Variants in MYO3A observed in about 807,000 individuals in gnomAD.
MYO3A encodes the protein myosin-IIIa.
A neutral mutation model predicts 192.7 loss-of-function variants in MYO3A; 180 were observed. That is an observed-to-expected ratio of 0.93 (90% CI 0.83 to 1.06). MYO3A has a LOEUF of 1.06. Ranked by LOEUF, MYO3A falls within the 50% of genes least tolerant of loss-of-function variation. MYO3A has a pLI of 0.00. For synonymous variants in MYO3A, 628 were observed against 645.3 expected (o/e 0.97, Z 0.41); for missense variants, 1,896 against 1,905.0 (o/e 1.00, Z 0.09).
intron 6 of MYO3A, among the ~76,000 whole-genome samples, chr10:26,001,995 T>G (rs1313096966): frequency 6.6e-6 from 1 of 152,124 alleles, no homozygotes; most frequent in East Asian, 1.9e-4. Context: ...TGAGGAGGGA[T>G]GCCATCTGAG....
chr10:26,206,963 T>C (rs772214646), intron 34 of MYO3A, among the ~76,000 whole-genome samples: 1 of 152,194 alleles, frequency 6.6e-6, no homozygotes, highest in Non-Finnish European at 1.5e-5. Context: ...ATTGAACATT[T>C]TTTCATATAC....
intron 10 of MYO3A, among the ~76,000 whole-genome samples, chr10:26,038,195 G>C (rs1843140946): frequency 6.8e-6 from 1 of 147,328 alleles, no homozygotes; most frequent in Non-Finnish European, 1.5e-5. Flanking sequence ...GGTCTTTTGT[G>C]GTTCCATATA....
At chr10:26,209,579 A>G (rs374944336) in intron 34 of MYO3A, among the ~76,000 whole-genome samples, 50 of 152,294 alleles carry the variant, frequency 3.3e-4, no homozygotes, top group African/African-American at 1.1e-3. Flanking sequence ...CCGTTTTGCC[A>G]TGCTCTGTGA....
chr10:26,170,253 A>G, intron 28 of MYO3A, among the ~76,000 whole-genome samples, 163 bp from the exon 29 acceptor site: 1 of 152,208 alleles, frequency 6.6e-6, no homozygotes. Context: ...ATGTAGAAGA[A>G]TCTTGTTAAT....
At chr10:26,032,629 A>C (rs1842852958) in intron 10 of MYO3A, among the ~76,000 whole-genome samples, 1 of 151,828 alleles carries the variant, frequency 6.6e-6, no homozygotes. Context: ...AAACAAAAAA[A>C]CAAAAAAAAA....
Position 26,173,702 on chromosome 10 carries a change from T to A in MYO3A, c.3438T>A (p.Ser1146=). The A allele has an allele frequency of 3.1e-6, 5 of 1,613,960 alleles. No individual in the cohort carries two copies. The highest frequency in any genetic ancestry group is 4.2e-6 in the Non-Finnish European group (5 of 1,179,902). The change falls in exon 30 of 35, where the codon TCT becomes TCA. Residue 1146 remains serine, a synonymous_variant. Transcript: ENST00000642920. Reference sequence around the variant, plus strand: ...AGAAACAAGCAGAAAATGCAATCTCTGCTAATGAAAGATTCATTTCAGCTC... The same window carrying A: ...AGAAACAAGCAGAAAATGCAATCTCAGCTAATGAAAGATTCATTTCAGCTC... The part of the protein sequence containing the change: ...FVKKQAENAI[S]ANERFISAPN...
intron 20 of MYO3A, among the ~76,000 whole-genome samples, chr10:26,137,633 G>A (rs928946840): frequency 4.6e-5 from 7 of 152,204 alleles, no homozygotes; most frequent in African/African-American, 1.7e-4. Flanking sequence ...GGCAAAAAGA[G>A]CCATATTTTT....
At chr10:26,091,054 T>C (rs995272269) in intron 15 of MYO3A, among the ~76,000 whole-genome samples, 1 of 152,176 alleles carries the variant, frequency 6.6e-6, no homozygotes, top group African/African-American at 2.4e-5. Flanking sequence ...CTGTGCTTCC[T>C]ATTGGCTGAA....
chr10:26,016,273 T>C (rs1431901215), intron 6 of MYO3A, among the ~76,000 whole-genome samples: 1 of 152,198 alleles, frequency 6.6e-6, no homozygotes, highest in Non-Finnish European at 1.5e-5. Flanking sequence ...GATGTTGGTT[T>C]AAATAGATAT....
At chr10:26,126,019 T>G (rs902734343) in intron 19 of MYO3A, among the ~76,000 whole-genome samples, 1 of 152,180 alleles carries the variant, frequency 6.6e-6, no homozygotes, top group Non-Finnish European at 1.5e-5. Context: ...AAAGGAAAAC[T>G]TTATTTTCAT....
intron 31 of MYO3A, among the ~76,000 whole-genome samples, chr10:26,188,030 T>C (rs1842944936): frequency 2.6e-5 from 4 of 152,166 alleles, no homozygotes; most frequent in South Asian, 2.1e-4. Flanking sequence ...CTGGGTCAAA[T>C]GGTATTTCTA....
At chr10:26,102,208 ATG>A (rs1261834826) in intron 17 of MYO3A, among the ~76,000 whole-genome samples, 1 of 152,206 alleles carries the variant, frequency 6.6e-6, no homozygotes, top group Non-Finnish European at 1.5e-5. Context: ...AAGCTTTTGC[ATG>A]CGTCACATAG....
intron 2 of MYO3A, among the ~76,000 whole-genome samples, chr10:25,941,843 T>A (rs963724785): frequency 6.6e-6 from 1 of 152,182 alleles, no homozygotes; most frequent in African/African-American, 2.4e-5. Context: ...CTCATATGAG[T>A]GGAATCATAT....
chr10:26,089,673 C>A (rs144136005), intron 15 of MYO3A, among the ~76,000 whole-genome samples: 1 of 151,898 alleles, frequency 6.6e-6, no homozygotes, highest in East Asian at 1.9e-4. Flanking sequence ...CCGTTTTAAT[C>A]CACTTTGGGT....
chr10:26,138,622 A>G lies in MYO3A; in HGVS notation c.2263-4826A>G, dbSNP rs80037768. Among the ~76,000 whole-genome samples the G allele has an allele frequency of 4.4e-3, 665 of 152,322 alleles. 4 individuals carry two copies. The highest frequency in any genetic ancestry group is 0.015 in the African/African-American group (642 of 41,580). ...AAATGACTCATATTATTGAAAGGCAAGAGAAGTCTTACTTCGTATGCCACA... is the reference window on the plus strand; with the variant it reads ...AAATGACTCATATTATTGAAAGGCAGGAGAAGTCTTACTTCGTATGCCACA... On this transcript the variant is annotated intron_variant, in intron 20 of 34. Coordinates refer to ENST00000642920, the MANE Select transcript of MYO3A (RefSeq NM_017433.5).
rs755823253 is a variant in MYO3A at position 25,997,252 on chromosome 10, G to A, written c.502G>A (p.Asp168Asn). 1.2e-6 allele frequency: 2 copies of A among 1,609,274 alleles called. No individual in the cohort carries two copies. Among genetic ancestry groups the A allele is most frequent in the Non-Finnish European group, 1.7e-6 (2 of 1,175,846 alleles). ...LTTEGGVKLV[D>N]FGVSAQLTST... is the part of the protein sequence containing the mutation. ...CACGGAAGGTGGAGTGAAACTAGTA[G>A]ATTTTGGTAAGTTTTGTTTAAAATG... Residue 168 changes from aspartate (D) to asparagine (N), a missense_variant, in exon 6 of 35, where the codon GAT (aspartate) becomes AAT (asparagine). Transcript: ENST00000642920.
chr10:26,153,504 C>T (rs1840920665), intron 23 of MYO3A, among the ~76,000 whole-genome samples: 1 of 152,194 alleles, frequency 6.6e-6, no homozygotes, highest in Non-Finnish European at 1.5e-5. Context: ...AAAGCTTAGC[C>T]TGTGTTAAAG....
intron 23 of MYO3A, among the ~76,000 whole-genome samples, chr10:26,150,423 T>G (rs2153826): frequency 6.6e-6 from 1 of 152,016 alleles, no homozygotes; most frequent in Admixed American, 6.6e-5. Flanking sequence ...CCTAAGTTGC[T>G]TTGTAGAATT....
At chr10:25,944,916 T>C (rs935485258) in intron 2 of MYO3A, among the ~76,000 whole-genome samples, 3 of 152,048 alleles carry the variant, frequency 2.0e-5, no homozygotes, top group African/African-American at 7.2e-5. Flanking sequence ...TTTCCTACTT[T>C]TTTTGTCACC....
Sources: gnomAD v4.1 joint callset for allele counts (sites outside exome capture counted in the v4.1 genomes callset) on GRCh38, gnomAD v4.1.1 for gene constraint, MANE v1.5 for transcripts, NCBI Gene and HGNC (gene_info 2026-07-23, HGNC 2026-07-21) for gene names.